ZC3H4: variants seen among roughly 807,000 people sequenced by gnomAD.
The protein encoded by ZC3H4 is zinc finger CCCH domain-containing protein 4.
Under a neutral mutation model 108.3 loss-of-function variants are expected in ZC3H4, and 13 were observed. The ratio of observed to expected loss-of-function variants is 0.12; its 90% CI spans 0.08 to 0.19. The LOEUF is 0.19. Ranked by LOEUF, ZC3H4 falls within the 10% of genes least tolerant of loss-of-function variation. The probability of loss-of-function intolerance (pLI) is 1.00; values close to 1 mark genes in which losing one functional copy is unlikely to be tolerated. For missense variants in ZC3H4, 1,734 were observed against 1,838.8 expected (o/e 0.94, Z 1.04); for synonymous variants, 917 against 749.6 (o/e 1.22, Z -3.65).
intron 4 of ZC3H4, among the ~76,000 whole-genome samples, chr19:47,090,520 G>C (rs754525852): frequency 1.3e-5 from 2 of 152,210 alleles, no homozygotes; most frequent in Non-Finnish European, 2.9e-5. Context: ...GGCCTGGGAA[G>C]CAGGCGGGGG....
rs559829092 is a variant in ZC3H4, at chr19:47,071,692, G to A, written c.2146+86C>T. 342 of 1,415,392 alleles carry A rather than the reference G, an allele frequency of 2.4e-4. No individual in the cohort carries two copies. In the African/African-American group the frequency reaches 4.1e-3, roughly 17 times the overall value. The allele number at this position is 1,415,392 out of a possible 1,614,324, so 87.7% of individuals were successfully genotyped here. Reference sequence around the variant, plus strand: ...GTCATGCTTTCAAAGAGACTTGGACGAAGGAAGAAAAATCACATCTCCCCA... The same window carrying A: ...GTCATGCTTTCAAAGAGACTTGGACAAAGGAAGAAAAATCACATCTCCCCA... On this transcript the variant is annotated intron_variant, in intron 13 of 14. Transcript: ENST00000253048.
In ZC3H4 at chr19:47,096,915, CCAACACCG is replaced by C. The variant is rs2057830193; in HGVS notation, c.162-2315_162-2308del. The C allele has an allele frequency of 4.1e-6, 4 of 985,276 alleles. No individual in the cohort carries two copies. The South Asian group carries it at 1.4e-4, about 35-fold the overall frequency. The allele number at this position is 985,276 out of a possible 1,614,324, so 61.0% of individuals were successfully genotyped here. On this transcript the variant is annotated intron_variant, in intron 2 of 14. Transcript: ENST00000253048. ...AGCCTCAGCACGCCCTCCCTTATGT[CCAACACCG>C]CGGCACAGCAGGCGACAGTCTTGCC...
intron 11 of ZC3H4, 43 bp downstream of exon 11, chr19:47,081,469 TC>T: frequency 6.8e-7 from 1 of 1,479,998 alleles, no homozygotes; most frequent in East Asian, 2.3e-5. Context: ...AGTGCGCATG[TC>T]CCAGTTCCTG....
intron 2 of ZC3H4, among the ~76,000 whole-genome samples, chr19:47,107,409 C>A (rs2057981204): frequency 6.6e-6 from 1 of 152,294 alleles, no homozygotes; most frequent in African/African-American, 2.4e-5. Flanking sequence ...CTACTGCACA[C>A]TGCCGGGGAG....
chr19:47,086,149 G>A (rs1480359972), intron 6 of ZC3H4, among the ~76,000 whole-genome samples: 1 of 152,194 alleles, frequency 6.6e-6, no homozygotes, highest in East Asian at 1.9e-4. Flanking sequence ...TTACAGGTGT[G>A]AGCCACCGCG....
Position 47,067,342 on chromosome 19 carries a change from T to C in ZC3H4, c.2926A>G (p.Thr976Ala). The C allele has an allele frequency of 6.2e-7, 1 of 1,602,640 alleles. No homozygotes were observed. The highest frequency in any genetic ancestry group is 1.7e-4 in the Middle Eastern group (1 of 6,016). ...VTLSKPSFAR[T>A]VLWNPEDLIP... ...AGGTCCTCGGGATTCCAGAGCACGGTGCGGGCGAAGCTGGGCTTGCTCAGG... is the reference window on the plus strand; with the variant it reads ...AGGTCCTCGGGATTCCAGAGCACGGCGCGGGCGAAGCTGGGCTTGCTCAGG... Residue 976 changes from threonine to alanine, a missense_variant, in exon 15 of 15, where the codon ACC (threonine) becomes GCC (alanine). By Grantham distance (58) the Thr-to-Ala change is moderately conservative. This residue lies in a region of ZC3H4 where 518 missense variants were observed against 499.6 expected (regional missense o/e 1.04). Transcript: ENST00000253048. The surrounding 1 kb of genome is among the most constrained non-coding windows in gnomAD (Gnocchi z 6.4).
intron 2 of ZC3H4, among the ~76,000 whole-genome samples, chr19:47,105,473 G>A (rs760244242): frequency 3.7e-4 from 57 of 152,138 alleles, no homozygotes; most frequent in Non-Finnish European, 7.6e-4. Context: ...TGTGGTGTGC[G>A]CCTGTAATCC....
chr19:47,089,044 A>G (rs1305171397), intron 5 of ZC3H4, among the ~76,000 whole-genome samples: 1 of 151,756 alleles, frequency 6.6e-6, no homozygotes, highest in Non-Finnish European at 1.5e-5. Flanking sequence ...CGTCTCTACT[A>G]AAAATACAAA....
intron 8 of ZC3H4, 137 bp downstream of exon 8, chr19:47,084,919 G>A: frequency 1.7e-6 from 2 of 1,157,822 alleles, no homozygotes; most frequent in Non-Finnish European, 1.2e-6. Flanking sequence ...CGCTGGTTAT[G>A]CTGGTCAACA....
Position 47,072,088 on chromosome 19 carries a change from C to A in ZC3H4, c.1836G>T (p.Met612Ile), listed in dbSNP as rs1245929576. ...GGGGTCCCATGTTGGGCCCAGGGCC[C>A]ATTGGCCCTGGGGGTCCACCGGGTC... ...FPGPGGPPGP[M>I]GPGPNMGPPG... The change falls in exon 13 of 15, where the codon ATG becomes ATT. Residue 612 changes from methionine to isoleucine, a missense_variant. By Grantham distance (10) the Met-to-Ile change is conservative (BLOSUM62 1). Coordinates refer to ENST00000253048, the MANE Select transcript of ZC3H4 (RefSeq NM_015168.2). The surrounding 1 kb of genome is among the most constrained non-coding windows in gnomAD (Gnocchi z 5.6). 2.6e-6 allele frequency: 4 copies of A among 1,559,938 alleles called. No individual in the cohort carries two copies. The highest frequency in any genetic ancestry group is 2.6e-6 in the Non-Finnish European group (3 of 1,156,090).
At chr19:47,073,301 G>T (rs964760554) in intron 11 of ZC3H4, among the ~76,000 whole-genome samples, 10 of 152,008 alleles carry the variant, frequency 6.6e-5, no homozygotes, top group African/African-American at 2.4e-4. Flanking sequence ...CAGACGTGGT[G>T]GCTCATGCTT....
rs1159555374 is a variant in ZC3H4, at chr19:47,066,644, C to T, written c.3624G>A (p.Gly1208=). The change falls in exon 15 of 15, where the codon GGG becomes GGA. Residue 1208 remains glycine (G), a synonymous_variant. Transcript: ENST00000253048. Reference sequence around the variant, plus strand: ...TGTTGTATCTGTCCGTGGGGGTGCCCCCATCAGCACCGGCCTTCCCTGTCT... The same window carrying T: ...TGTTGTATCTGTCCGTGGGGGTGCCTCCATCAGCACCGGCCTTCCCTGTCT... ...QPETGKAGAD[G]GTPTDRYNSY... The T allele has an allele frequency of 1.1e-5, 18 of 1,611,856 alleles. No individual in the cohort carries two copies. Among genetic ancestry groups the T allele is most frequent in the Non-Finnish European group, 1.5e-5 (18 of 1,179,606 alleles).
At chr19:47,108,778 T>G (rs965992100) in intron 2 of ZC3H4, among the ~76,000 whole-genome samples, 2 of 152,066 alleles carry the variant, frequency 1.3e-5, no homozygotes, top group African/African-American at 4.8e-5. Flanking sequence ...AATCAAAAAT[T>G]TAAACCTTCA....
chr19:47,067,742 A>G lies in ZC3H4; in HGVS notation c.2526T>C (p.Ser842=). 6.2e-7 allele frequency: 1 copy of G among 1,608,318 alleles called. No homozygotes were observed. Among genetic ancestry groups the G allele is most frequent in the Middle Eastern group, 1.7e-4 (1 of 6,040 alleles). ...TCTGGAGGCGGGGGTCCCCCAGCCC[A>G]CTGCTGCTCAGCTCCCCAACTGAAG... ...PPASVGELSS[S]GLGDPRLQKG... Residue 842 remains serine, a synonymous_variant, in exon 15 of 15, where the codon AGT becomes AGC. Transcript: ENST00000253048. The surrounding 1 kb of genome is among the most constrained non-coding windows in gnomAD (Gnocchi z 6.4).
chr19:47,069,261 G>C lies in ZC3H4; in HGVS notation c.2229C>G (p.Phe743Leu). The C allele has an allele frequency of 6.2e-7, 1 of 1,613,878 alleles. No individual in the cohort carries two copies. Among genetic ancestry groups the C allele is most frequent in the Non-Finnish European group, 8.5e-7 (1 of 1,179,938 alleles). ...FPEHPLEPDS[F>L]SEGGPPGRPK... ...GCCGGCCTGGGGGCCCTCCCTCAGA[G>C]AAGCTGTCGGGCTCCAGAGGGTGCT... The change falls in exon 14 of 15, where the codon TTC becomes TTG. Residue 743 changes from phenylalanine to leucine, a missense_variant. This residue lies in a region of ZC3H4 where 540 missense variants were observed against 484.1 expected (regional missense o/e 1.12). Coordinates refer to ENST00000253048, the MANE Select transcript of ZC3H4 (RefSeq NM_015168.2).
In ZC3H4 at chr19:47,066,963, G is replaced by A. The variant is rs758335179; in HGVS notation, c.3305C>T (p.Ala1102Val). Residue 1102 changes from alanine to valine, a missense_variant, in exon 15 of 15, where the codon GCG becomes GTG. By Grantham distance (64) the Ala-to-Val change is moderately conservative. Coordinates refer to ENST00000253048, the MANE Select transcript of ZC3H4 (RefSeq NM_015168.2). ...ACTCGGGCTGGCGGTGGGAGAGGGC[G>A]CCTCAGCAGGGCCGGGCTTGGCAGC... Reference protein sequence around the residue: ...SRAAKPGPAEAPSPTASPSGD... With the variant: ...SRAAKPGPAEVPSPTASPSGD... 106 of 1,591,974 alleles carry A rather than the reference G, an allele frequency of 6.7e-5. No homozygotes were observed. In the African/African-American group the frequency reaches 9.5e-4, roughly 14 times the overall value.
intron 2 of ZC3H4, among the ~76,000 whole-genome samples, chr19:47,096,521 C>T (rs2123020540): frequency 6.6e-6 from 1 of 152,348 alleles, no homozygotes. Flanking sequence ...TGGCAAACTG[C>T]CCGCCGCCAG....
At chr19:47,087,853 G>A (rs530726291) in intron 5 of ZC3H4, among the ~76,000 whole-genome samples, 17 of 151,162 alleles carry the variant, frequency 1.1e-4, no homozygotes, top group South Asian at 1.0e-3. Context: ...CAGCCTGAGC[G>A]ACAGAGTGAG....
intron 2 of ZC3H4, among the ~76,000 whole-genome samples, chr19:47,104,864 C>G (rs1288888515): frequency 2.0e-5 from 3 of 152,196 alleles, no homozygotes; most frequent in Non-Finnish European, 4.4e-5. Flanking sequence ...TTTGGCCAAG[C>G]GACACTAGCG....
Sources: allele counts gnomAD v4.1 joint callset (sites outside exome capture counted in the v4.1 genomes callset), GRCh38; gene constraint gnomAD v4.1.1; regional missense constraint gnomAD v4.1.1; non-coding constraint Gnocchi (gnomAD v3.1); transcripts MANE v1.5; gene names NCBI Gene and HGNC (gene_info 2026-07-23, HGNC 2026-07-21).